TMEM117: variants seen among roughly 807,000 people sequenced by gnomAD.
TMEM117 encodes transmembrane protein 117.
Under a neutral mutation model 52.4 loss-of-function variants are expected in TMEM117, and 27 were observed. The observed-to-expected ratio is 0.51, with a 90% CI of 0.38 to 0.71. The LOEUF is 0.71. Ranked by LOEUF, TMEM117 falls within the 30% of genes least tolerant of loss-of-function variation. The pLI is 0.00. For missense variants in TMEM117, 556 were observed against 630.5 expected (o/e 0.88, Z 1.26); for synonymous variants, 215 against 206.3 (o/e 1.04, Z -0.36).
At chr12:44,101,931 G>A (rs7980383) in intron 3 of TMEM117, among the ~76,000 whole-genome samples, 1 of 151,842 alleles carries the variant, frequency 6.6e-6, no homozygotes, top group Non-Finnish European at 1.5e-5. Context: ...GAAATAGGGC[G>A]TATGTAACTG....
intron 5 of TMEM117, among the ~76,000 whole-genome samples, chr12:44,214,037 G>T (rs1343522821): frequency 6.6e-6 from 1 of 150,494 alleles, no homozygotes; most frequent in Non-Finnish European, 1.5e-5. Context: ...TCTTAATCAT[G>T]ATTGCTGTTT....
chr12:43,797,974 G>A, the TMEM117 span: 8 of 832,140 alleles, frequency 9.6e-6, no homozygotes, highest in East Asian at 8.1e-5. Flanking sequence ...ATTTGTTTAC[G>A]GTCCTGCTAG....
chr12:44,325,061 T>C (rs1315988384), intron 6 of TMEM117, among the ~76,000 whole-genome samples: 1 of 152,232 alleles, frequency 6.6e-6, no homozygotes, highest in Admixed American at 6.5e-5. Flanking sequence ...GAGGACTGTA[T>C]TTATATTAGT....
the TMEM117 span, chr12:43,802,575 A>G: frequency 1.2e-6 from 1 of 818,238 alleles, no homozygotes; most frequent in Non-Finnish European, 1.9e-6. Context: ...ACTATTATTC[A>G]CATCAAAAAG....
At chr12:44,296,226 G>A (rs767558891) in intron 5 of TMEM117, among the ~76,000 whole-genome samples, 11 of 152,152 alleles carry the variant, frequency 7.2e-5, no homozygotes, top group African/African-American at 1.4e-4. Flanking sequence ...TATACTATTC[G>A]GTGTCTTTCT....
chr12:44,130,940 A>G (rs1312734452), intron 3 of TMEM117, among the ~76,000 whole-genome samples: 1 of 151,884 alleles, frequency 6.6e-6, no homozygotes, highest in Non-Finnish European at 1.5e-5. Context: ...CTTGCCAGGG[A>G]CTGATTAATT....
chr12:44,149,561 TAGGAA>T (rs1484708012), intron 4 of TMEM117, among the ~76,000 whole-genome samples: 1 of 152,196 alleles, frequency 6.6e-6, no homozygotes. Context: ...CACACTTATT[TAGGAA>T]AGGAGTTAAC....
At chr12:44,282,848 A>T (rs1013338987) in intron 5 of TMEM117, among the ~76,000 whole-genome samples, 1 of 152,196 alleles carries the variant, frequency 6.6e-6, no homozygotes, top group Non-Finnish European at 1.5e-5. Flanking sequence ...CATCCCCATC[A>T]CAGGTCCGGA....
intron 2 of TMEM117, among the ~76,000 whole-genome samples, chr12:43,882,914 A>G (rs927768896): frequency 7.9e-4 from 121 of 152,338 alleles, no homozygotes; most frequent in African/African-American, 2.8e-3. Context: ...ATCTTTTATA[A>G]TTGAAGCTCA....
chr12:44,045,703 C>T (rs902091858), intron 3 of TMEM117, among the ~76,000 whole-genome samples: 5 of 152,030 alleles, frequency 3.3e-5, no homozygotes, highest in South Asian at 2.1e-4. Context: ...ATTAGCCAAG[C>T]GTGGTGGCGG....
At chr12:44,304,898 C>T (rs1283440385) in intron 6 of TMEM117, among the ~76,000 whole-genome samples, 1 of 152,182 alleles carries the variant, frequency 6.6e-6, no homozygotes, top group Non-Finnish European at 1.5e-5. Context: ...CTGTGGTGGC[C>T]ATGGCGAGAT....
At chr12:44,019,884 T>C (rs2137830661) in intron 3 of TMEM117, among the ~76,000 whole-genome samples, 1 of 152,326 alleles carries the variant, frequency 6.6e-6, no homozygotes, top group South Asian at 2.1e-4. Context: ...ATTCCACATA[T>C]GACAATCCCC....
chr12:43,989,844 G>A (rs1485203992), intron 3 of TMEM117, among the ~76,000 whole-genome samples: 2 of 152,006 alleles, frequency 1.3e-5, no homozygotes, highest in Admixed American at 6.6e-5. Context: ...TAAGAACTTA[G>A]ATCTTAAAAT....
intron 4 of TMEM117, among the ~76,000 whole-genome samples, chr12:44,163,431 T>G (rs1948924151): frequency 6.6e-6 from 1 of 152,224 alleles, no homozygotes; most frequent in African/African-American, 2.4e-5. Context: ...TATCTTTAGC[T>G]AAGTCTGCAT....
At chr12:44,206,948 T>A (rs778083555) in intron 4 of TMEM117, among the ~76,000 whole-genome samples, 20 of 152,128 alleles carry the variant, frequency 1.3e-4, no homozygotes, top group Non-Finnish European at 2.6e-4. Flanking sequence ...AACCTGCACA[T>A]GTACTCCCTG....
At chr12:44,395,464 C>G in the TMEM117 span, among the ~76,000 whole-genome samples, 1 of 152,162 alleles carries the variant, frequency 6.6e-6, no homozygotes, top group African/African-American at 2.4e-5. Flanking sequence ...CACACTTGTA[C>G]CAGAATAATA....
chr12:44,042,803 CACA>C (rs1946822724), intron 3 of TMEM117, among the ~76,000 whole-genome samples: 2 of 140,670 alleles, frequency 1.4e-5, no homozygotes, highest in South Asian at 2.2e-4. Context: ...CACACACACA[CACA>C]CACTTATTAG....
intron 7 of TMEM117, among the ~76,000 whole-genome samples, chr12:44,379,245 A>G (rs534368732): frequency 6.6e-6 from 1 of 152,086 alleles, no homozygotes; most frequent in Non-Finnish European, 1.5e-5. Context: ...GGTCCTAGCC[A>G]CTTGGGAGGC....
chr12:43,812,579 T>C, the TMEM117 span, among the ~76,000 whole-genome samples: 1 of 152,134 alleles, frequency 6.6e-6, no homozygotes, highest in Non-Finnish European at 1.5e-5. Context: ...TTAGCAAAGG[T>C]TTCACAAGTT....
Sources: gnomAD v4.1 joint callset for allele counts (sites outside exome capture counted in the v4.1 genomes callset) on GRCh38, gnomAD v4.1.1 for gene constraint, MANE v1.5 for transcripts, NCBI Gene and HGNC (gene_info 2026-07-23, HGNC 2026-07-21) for gene names.